ADD3: variants seen among roughly 807,000 people sequenced by gnomAD.
ADD3 encodes adducin 3.
In ADD3, 25 loss-of-function variants were observed where a neutral mutation model predicts 80.2. That is an observed-to-expected ratio of 0.31 (90% CI 0.23 to 0.44). The LOEUF (loss-of-function observed/expected upper bound fraction) is 0.44, where lower values mean the gene tolerates loss of function less well. Among genes scored for constraint, ADD3 ranks in the 20% least tolerant of loss-of-function variants. The pLI is 1.00. For missense variants in ADD3, 829 were observed against 847.5 expected, an observed-to-expected ratio of 0.98 and a Z score of 0.27; for synonymous variants, 284 against 289.6, an observed-to-expected ratio of 0.98 and a Z score of 0.20.
chr10:110,133,414 A>G lies in ADD3; in HGVS notation c.1917A>G (p.Glu639=). 1 of 1,613,738 alleles carries G rather than the reference A, an allele frequency of 6.2e-7. No homozygotes were observed. The highest frequency in any genetic ancestry group is 8.5e-7 in the Non-Finnish European group (1 of 1,179,670). ...GCAAGGATGATATGCATGATGTTGA[A>G]GATGAGCTTGCTAAGCGAGTGAGTA... ...VNGKDDMHDV[E]DELAKRVSRL... is the part of the protein sequence containing the mutation. Residue 639 remains glutamate (E), a synonymous_variant, in exon 15 of 15, where the codon GAA becomes GAG. Coordinates refer to ENST00000356080, the MANE Select transcript of ADD3 (RefSeq NM_016824.5).
chr10:110,093,347 A>C (rs917091663), intron 1 of ADD3, among the ~76,000 whole-genome samples: 1 of 152,208 alleles, frequency 6.6e-6, no homozygotes, highest in Non-Finnish European at 1.5e-5. Context: ...GGTGTATTAT[A>C]CTTGTCTTAA....
intron 6 of ADD3, 136 bp downstream of exon 6, chr10:110,118,872 G>T (rs1851111259): frequency 2.2e-6 from 2 of 905,662 alleles, no homozygotes; most frequent in African/African-American, 3.4e-5. Context: ...GAAAGCAAAA[G>T]GCCTTTGGGA....
chr10:110,106,775 C>A (rs918392666), intron 2 of ADD3, among the ~76,000 whole-genome samples: 1 of 151,990 alleles, frequency 6.6e-6, no homozygotes. Flanking sequence ...CTATAATGTT[C>A]TGGGGGCAAA....
At chr10:110,081,650 T>G (rs1351107068) in intron 1 of ADD3, among the ~76,000 whole-genome samples, 1 of 152,178 alleles carries the variant, frequency 6.6e-6, no homozygotes, top group Non-Finnish European at 1.5e-5. Flanking sequence ...TGAGGCTAAA[T>G]TTTTGTCTAC....
At chr10:110,086,852 A>T (rs116709658) in intron 1 of ADD3, among the ~76,000 whole-genome samples, 1,996 of 152,240 alleles carry the variant, frequency 0.013, 39 homozygotes, top group African/African-American at 0.044. Flanking sequence ...GACTGACTTG[A>T]TGCTGAGAGA....
At chr10:110,127,713 C>A (rs557323692) in intron 12 of ADD3, among the ~76,000 whole-genome samples, 1 of 152,330 alleles carries the variant, frequency 6.6e-6, no homozygotes, top group Admixed American at 6.5e-5. Context: ...TCATTCTGAT[C>A]CAAATCTAAA....
chr10:110,021,790 A>G (rs1480594388), intron 1 of ADD3, among the ~76,000 whole-genome samples: 2 of 152,182 alleles, frequency 1.3e-5, no homozygotes, highest in South Asian at 2.1e-4. Context: ...GGAGCTAGAT[A>G]GTGGTGATGG....
At chr10:110,121,685 A>G (rs536376982) in intron 8 of ADD3, among the ~76,000 whole-genome samples, 4 of 152,266 alleles carry the variant, frequency 2.6e-5, no homozygotes, top group Non-Finnish European at 5.9e-5. Flanking sequence ...AAGCTTAATT[A>G]AATTAAGATA....
chr10:110,076,225 G>GAATATGC (rs1845358782), intron 1 of ADD3, among the ~76,000 whole-genome samples: 1 of 151,952 alleles, frequency 6.6e-6, no homozygotes, highest in Non-Finnish European at 1.5e-5. Flanking sequence ...AAACAGTATT[G>GAATATGC]GTTAAAATCA....
At chr10:110,025,014 C>A (rs1362783305) in intron 1 of ADD3, among the ~76,000 whole-genome samples, 2 of 151,754 alleles carry the variant, frequency 1.3e-5, no homozygotes, top group Admixed American at 1.3e-4. Context: ...GTGCCTCAGC[C>A]TCCTGAATAG....
intron 12 of ADD3, among the ~76,000 whole-genome samples, chr10:110,126,902 C>A (rs565112487): frequency 6.6e-5 from 10 of 152,150 alleles, no homozygotes; most frequent in South Asian, 4.1e-4. Flanking sequence ...CAGTTTTAGA[C>A]CTTGACTATT....
At chr10:110,039,140 C>T (rs1455658889) in intron 1 of ADD3, among the ~76,000 whole-genome samples, 1 of 152,210 alleles carries the variant, frequency 6.6e-6, no homozygotes, top group African/African-American at 2.4e-5. Flanking sequence ...GCCAGACCCT[C>T]TCCCTTACCT....
chr10:110,063,737 T>TTATATATATATATATATATATATATATA (rs139871560), intron 1 of ADD3, among the ~76,000 whole-genome samples: 1 of 64,658 alleles, frequency 1.5e-5, no homozygotes, highest in Non-Finnish European at 3.3e-5. Flanking sequence ...TATATATTCA[T>TTATATATATATATATATATATATATATA]TATATATATA....
chr10:110,093,354 TTA>T (rs1244612638), intron 1 of ADD3, among the ~76,000 whole-genome samples: 1 of 152,250 alleles, frequency 6.6e-6, no homozygotes, highest in African/African-American at 2.4e-5. Flanking sequence ...TATACTTGTC[TTA>T]ACTCTTTAGG....
chr10:110,023,181 G>C (rs1853882618), intron 1 of ADD3, among the ~76,000 whole-genome samples: 1 of 152,154 alleles, frequency 6.6e-6, no homozygotes, highest in Non-Finnish European at 1.5e-5. Flanking sequence ...TATTTGGTGT[G>C]TGATGGTATT....
chr10:110,115,717 A>C (rs1565007686), intron 3 of ADD3, among the ~76,000 whole-genome samples: 3 of 152,222 alleles, frequency 2.0e-5, no homozygotes, highest in Admixed American at 2.0e-4. Flanking sequence ...AAAGAGGTCA[A>C]GGAGAATGAA....
chr10:110,033,459 A>G (rs1425547998), intron 1 of ADD3, among the ~76,000 whole-genome samples: 2 of 152,196 alleles, frequency 1.3e-5, no homozygotes, highest in Admixed American at 6.5e-5. Flanking sequence ...CCCAGAATGC[A>G]TCTTTAGTTT....
In ADD3 at chr10:110,125,810, AT is replaced by A. The variant is rs1590235102; in HGVS notation, c.1402-11del. 6.4e-7 allele frequency: 1 copy of A among 1,557,542 alleles called. No individual in the cohort carries two copies. Among genetic ancestry groups the A allele is most frequent in the East Asian group, 2.3e-5 (1 of 43,954 alleles). Reference sequence around the variant, plus strand: ...TTAACACAAAGCTTCATTTTAGAAAATTTTTGATTCTTTAGTGGATGAAAGC... The same window carrying A: ...TTAACACAAAGCTTCATTTTAGAAAATTTTGATTCTTTAGTGGATGAAAGC... On this transcript the variant is annotated splice_polypyrimidine_tract_variant and intron_variant, in intron 10 of 14. Transcript: ENST00000356080.
chr10:110,062,173 A>G (rs576072052), intron 1 of ADD3, among the ~76,000 whole-genome samples: 76 of 135,002 alleles, frequency 5.6e-4, no homozygotes, highest in Admixed American at 1.0e-3. Context: ...GACCAGCCTG[A>G]TGAACATGGA....
Sources: allele counts gnomAD v4.1 joint callset (sites outside exome capture counted in the v4.1 genomes callset), GRCh38; gene constraint gnomAD v4.1.1; transcripts MANE v1.5; gene names NCBI Gene and HGNC (gene_info 2026-07-23, HGNC 2026-07-21).